Variants in TFDP2 observed in about 807,000 individuals in gnomAD.
The protein encoded by TFDP2 is transcription factor Dp-2.
TFDP2 carries 17 observed loss-of-function variants against 59.3 expected under a neutral mutation model. That is an observed-to-expected ratio of 0.29 (90% CI 0.20 to 0.43). The LOEUF is 0.43. TFDP2 is among the 20% of genes least tolerant of loss of function. The pLI is 1.00. For synonymous variants in TFDP2, 180 were observed against 194.7 expected, an observed-to-expected ratio of 0.92 and a Z score of 0.63; for missense variants, 391 against 528.8, an observed-to-expected ratio of 0.74 and a Z score of 2.56.
chr3:142,025,545 A>T (rs191981864), intron 3 of TFDP2, among the ~76,000 whole-genome samples: 8 of 152,354 alleles, frequency 5.3e-5, no homozygotes, highest in Non-Finnish European at 1.2e-4. Flanking sequence ...ATGCTGTCAC[A>T]GTTATGTATT....
At chr3:142,041,741 T>C (rs536721160) in intron 3 of TFDP2, among the ~76,000 whole-genome samples, 4 of 152,358 alleles carry the variant, frequency 2.6e-5, no homozygotes, top group African/African-American at 9.6e-5. Context: ...CTAAAAATCA[T>C]TGCCAAACCC....
intron 3 of TFDP2, among the ~76,000 whole-genome samples, chr3:142,043,401 T>A (rs959837477): frequency 1.3e-5 from 2 of 151,468 alleles, no homozygotes; most frequent in African/African-American, 4.9e-5. Flanking sequence ...TCTCACTCTA[T>A]CACCCAGGCT....
At chr3:142,063,246 C>A (rs567089171) in intron 3 of TFDP2, among the ~76,000 whole-genome samples, 153 of 152,264 alleles carry the variant, frequency 1.0e-3, no homozygotes, top group African/African-American at 3.6e-3. Flanking sequence ...TATATTTCCT[C>A]ATTTTTCTCT....
In TFDP2 at chr3:142,027,480, TCCTCTC is replaced by T. The variant is rs367550746; in HGVS notation, c.83-21942_83-21937del. Among the ~76,000 whole-genome samples, 592 of 151,618 alleles carry T rather than the reference TCCTCTC, an allele frequency of 3.9e-3. 1 individual carries two copies. Among genetic ancestry groups the T allele is most frequent in the African/African-American group, 0.013 (542 of 41,360 alleles). ...AAGAAGAAAGACTCTCTGCCTGACC[TCCTCTC>T]CCTCTCCCTCTCCCTCTCCCACTCC... is the stretch of plus-strand genomic sequence containing the variant. On this transcript the variant is annotated intron_variant, in intron 3 of 12. Coordinates refer to ENST00000489671, the MANE Select transcript of TFDP2 (RefSeq NM_001178139.2).
intron 3 of TFDP2, among the ~76,000 whole-genome samples, chr3:142,053,304 C>T (rs1947739246): frequency 6.6e-6 from 1 of 152,058 alleles, no homozygotes; most frequent in African/African-American, 2.4e-5. Flanking sequence ...GGTGTCATCC[C>T]TATGGTAATG....
chr3:142,036,505 T>C (rs1946702267), intron 3 of TFDP2, among the ~76,000 whole-genome samples: 1 of 152,216 alleles, frequency 6.6e-6, no homozygotes, highest in South Asian at 2.1e-4. Flanking sequence ...CTTCCCACAG[T>C]CTGCGAGTTC....
intron 3 of TFDP2, among the ~76,000 whole-genome samples, chr3:142,059,727 C>T (rs975223457): frequency 1.7e-4 from 26 of 152,088 alleles, no homozygotes; most frequent in Non-Finnish European, 1.8e-4. Flanking sequence ...CTACCAGCGT[C>T]GGCCACCATG....
intron 3 of TFDP2, among the ~76,000 whole-genome samples, chr3:142,048,728 G>A (rs1204554889): frequency 6.6e-6 from 1 of 152,052 alleles, no homozygotes; most frequent in Admixed American, 6.6e-5. Context: ...ACCATGCCTG[G>A]CTAATTTTTA....
intron 9 of TFDP2, among the ~76,000 whole-genome samples, chr3:141,968,312 ACT>A (rs1315458418): frequency 2.5e-5 from 3 of 119,374 alleles, no homozygotes; most frequent in South Asian, 2.4e-4. Flanking sequence ...AATATATATA[ACT>A]ATATATAACA....
At chr3:142,009,071 A>C (rs1479814435) in intron 3 of TFDP2, among the ~76,000 whole-genome samples, 1 of 152,184 alleles carries the variant, frequency 6.6e-6, no homozygotes, top group African/African-American at 2.4e-5. Flanking sequence ...CTGGCTTCTC[A>C]TAAAACCTGT....
intron 4 of TFDP2, among the ~76,000 whole-genome samples, chr3:141,998,393 C>T (rs1234192079): frequency 6.6e-6 from 1 of 151,978 alleles, no homozygotes; most frequent in Non-Finnish European, 1.5e-5. Flanking sequence ...GGTAGGCTCC[C>T]ATTTGAGGTA....
intron 6 of TFDP2, among the ~76,000 whole-genome samples, chr3:141,992,535 C>A (rs1224798882): frequency 6.6e-6 from 1 of 152,134 alleles, no homozygotes; most frequent in Admixed American, 6.5e-5. Context: ...GTTCTGTTGC[C>A]CTTTCGAAGG....
chr3:141,998,033 C>T (rs763766896), intron 4 of TFDP2, among the ~76,000 whole-genome samples: 53 of 152,086 alleles, frequency 3.5e-4, no homozygotes, highest in African/African-American at 1.2e-3. Context: ...GAGTGATTAG[C>T]AACACTCTGC....
intron 4 of TFDP2, among the ~76,000 whole-genome samples, chr3:141,995,633 C>A (rs1398379447): frequency 6.6e-6 from 1 of 151,814 alleles, no homozygotes; most frequent in African/African-American, 2.4e-5. Flanking sequence ...GCCTGTAAAC[C>A]CAGCATTTGG....
At chr3:141,965,559 GAGGGGAAGGGGA>G (rs1208283519) in intron 9 of TFDP2, among the ~76,000 whole-genome samples, 60 of 135,870 alleles carry the variant, frequency 4.4e-4, no homozygotes, top group African/African-American at 1.6e-3. Flanking sequence ...GGGGAAGGGG[GAGGGGAAGGGGA>G]AGGGGAAGGG....
At position 142,080,480 on chromosome 3, in the gene TFDP2, G is replaced by A. The variant is rs570675621; in HGVS notation, c.82+12581C>T. On this transcript the variant is annotated intron_variant, in intron 3 of 12. Transcript: ENST00000489671. Reference sequence around the variant, plus strand: ...AACAACCAGAATACAATAAAATGGCGGGAGTAAGTCCGACTTATCAACAAT... The same window carrying A: ...AACAACCAGAATACAATAAAATGGCAGGAGTAAGTCCGACTTATCAACAAT... Among the ~76,000 whole-genome samples the A allele has an allele frequency of 5.3e-5, 8 of 152,106 alleles. No individual in the cohort carries two copies. The South Asian group carries it at 8.3e-4, about 16-fold the overall frequency.
At chr3:141,995,377 T>G (rs1449471453) in intron 4 of TFDP2, 2 of 374,004 alleles carry the variant, frequency 5.3e-6, no homozygotes, top group Admixed American at 9.0e-5. Context: ...AGCAAATAAA[T>G]GGCAATTTGG....
At chr3:141,987,987 C>T (rs984513924) in intron 6 of TFDP2, among the ~76,000 whole-genome samples, 5 of 151,328 alleles carry the variant, frequency 3.3e-5, no homozygotes, top group Admixed American at 1.3e-4. Flanking sequence ...CATTCTGTCA[C>T]CCAGGCTGGA....
chr3:142,074,335 G>A (rs1576911834), intron 3 of TFDP2, among the ~76,000 whole-genome samples: 1 of 151,936 alleles, frequency 6.6e-6, no homozygotes, highest in East Asian at 1.9e-4. Flanking sequence ...CTTGAACCCA[G>A]GAAGTGGAGG....
Sources: allele counts gnomAD v4.1 joint callset (sites outside exome capture counted in the v4.1 genomes callset), GRCh38; gene constraint gnomAD v4.1.1; transcripts MANE v1.5; gene names NCBI Gene and HGNC (gene_info 2026-07-23, HGNC 2026-07-21).